The following DSEL variants were observed in gnomAD, a reference collection of about 807,000 sequenced individuals.
DSEL encodes dermatan sulfate epimerase like, also known as dermatan-sulfate epimerase-like protein.
DSEL carries 61 observed loss-of-function variants against 96.6 expected under a neutral mutation model. That is an observed-to-expected ratio of 0.63 (90% CI 0.51 to 0.78). The LOEUF (loss-of-function observed/expected upper bound fraction) is 0.78, where lower values mean the gene tolerates loss of function less well. Among genes scored for constraint, DSEL ranks in the 30% least tolerant of loss-of-function variants. The probability of loss-of-function intolerance (pLI) is 0.00; values close to 1 mark genes in which losing one functional copy is unlikely to be tolerated. For synonymous variants in DSEL, 514 were observed against 502.0 expected (o/e 1.02, Z -0.32); for missense variants, 1,320 against 1,430.8 (o/e 0.92, Z 1.25).
Position 67,508,731 on chromosome 18 carries a change from CTTTTTTTTT to C in DSEL, c.*2230_*2238del, listed in dbSNP as rs71171183. On this transcript the variant is annotated 3_prime_UTR_variant, in exon 2 of 2. Coordinates refer to ENST00000310045, the MANE Select transcript of DSEL (RefSeq NM_032160.3). ...TGCCAACAGGTACATTTCTTTTTTTCTTTTTTTTTTTTTTTTGAGGCGGAGTCTCGCTCT... is the reference window on the plus strand; with the variant it reads ...TGCCAACAGGTACATTTCTTTTTTTCTTTTTTTGAGGCGGAGTCTCGCTCT... The C allele has an allele frequency of 7.9e-6, 1 of 126,810 alleles. No individual in the cohort carries two copies. The highest frequency in any genetic ancestry group is 2.3e-4 in the East Asian group (1 of 4,384). The allele number at this position is 126,810 out of a possible 1,614,324, so 7.9% of individuals were successfully genotyped here. A position where few individuals can be genotyped will look rare whatever the true frequency, so the allele number is the denominator to read the frequency against.
intron 1 of DSEL, among the ~76,000 whole-genome samples, chr18:67,515,959 G>C (rs1354022022): frequency 4.7e-5 from 7 of 149,402 alleles, no homozygotes; most frequent in South Asian, 2.1e-4. Flanking sequence ...GGGATCAGAA[G>C]GTATCTTCCT....
chr18:67,508,410 T>C lies in DSEL; in HGVS notation c.*2560A>G, dbSNP rs943275403. On this transcript the variant is annotated 3_prime_UTR_variant, in exon 2 of 2. Coordinates refer to ENST00000310045, the MANE Select transcript of DSEL (RefSeq NM_032160.3). ...CATTCCTTACAGAACAATCTGTGAG[T>C]GGACGCTTTCTCCAGCAAACTTTCT... 3 of 152,196 alleles carry C rather than the reference T, an allele frequency of 2.0e-5. No individual in the cohort carries two copies. The highest frequency in any genetic ancestry group is 1.3e-4 in the Admixed American group (2 of 15,270). The allele number at this position is 152,196 out of a possible 1,614,324, so 9.4% of individuals were successfully genotyped here. A position where few individuals can be genotyped will look rare whatever the true frequency, so the allele number is the denominator to read the frequency against.
At position 67,508,794 on chromosome 18, in the gene DSEL, T is replaced by C. The variant is rs2089425003; in HGVS notation, c.*2176A>G. 1 of 146,314 alleles carries C rather than the reference T, an allele frequency of 6.8e-6. No individual in the cohort carries two copies. Among genetic ancestry groups the C allele is most frequent in the African/African-American group, 2.5e-5 (1 of 39,506 alleles). 9.1% of individuals were successfully genotyped at this position (146,314 alleles called of 1,614,324 possible). A position where few individuals can be genotyped will look rare whatever the true frequency, so the allele number is the denominator to read the frequency against. On this transcript the variant is annotated 3_prime_UTR_variant, in exon 2 of 2. Transcript: ENST00000310045. The stretch of plus-strand genomic sequence containing the variant: ...GCCCAGGCTGGAGTGCAGTGGCGCA[T>C]CTCCACTCACTGCAAGCTCTGCCTC...
chr18:67,512,279 C>A lies in DSEL; in HGVS notation c.2330G>T (p.Gly777Val), dbSNP rs759147510. The A allele has an allele frequency of 6.2e-6, 10 of 1,614,056 alleles. No homozygotes were observed. Among genetic ancestry groups the A allele is most frequent in the Non-Finnish European group, 8.5e-6 (10 of 1,179,984 alleles). Residue 777 changes from glycine (G) to valine (V), a missense_variant, in exon 2 of 2, where the codon GGA (glycine) becomes GTA (valine). Around this residue, in one of 3 missense-constraint regions of DSEL, gnomAD observed 986 missense variants for 1,066.4 expected, o/e 0.92. Transcript: ENST00000310045. ...PFGFKFNIAV[G>V]LILCISLVIL... ...CACCAAGCTAATGCACAAAATTAATCCAACTGCTATATTAAATTTAAATCC... is the reference window on the plus strand; with the variant it reads ...CACCAAGCTAATGCACAAAATTAATACAACTGCTATATTAAATTTAAATCC...
In DSEL at chr18:67,513,553, T is replaced by G; in HGVS notation, c.1056A>C (p.Leu352Phe). The change falls in exon 2 of 2, where the codon TTA becomes TTC. Residue 352 changes from leucine (L) to phenylalanine (F), a missense_variant. Around this residue, in one of 3 missense-constraint regions of DSEL, gnomAD observed 986 missense variants for 1,066.4 expected, o/e 0.92. Transcript: ENST00000310045. ...SQLVFLDKFI[L>F]KNGAGNWLAQ... ...CTAACCAATTTCCAGCTCCATTCTT[T>G]AAGATGAACTTATCCAAGAAAACTA... 6.2e-7 allele frequency: 1 copy of G among 1,614,208 alleles called. No individual in the cohort carries two copies. The highest frequency in any genetic ancestry group is 8.5e-7 in the Non-Finnish European group (1 of 1,180,036).
chr18:67,510,828 ATC>A lies in DSEL; in HGVS notation c.*140_*141del, dbSNP rs2089437016. On this transcript the variant is annotated 3_prime_UTR_variant, in exon 2 of 2. Transcript: ENST00000310045. ...AAATATGGTGCCATTTTTTAAAACA[ATC>A]TCTCTGTGCAAACAACACTGAACAC... 1 of 608,990 alleles carries A rather than the reference ATC, an allele frequency of 1.6e-6. No homozygotes were observed. 37.7% of individuals were successfully genotyped at this position (608,990 alleles called of 1,614,324 possible).
Position 67,511,032 on chromosome 18 carries a change from G to A in DSEL, c.3577C>T (p.Leu1193=), listed in dbSNP as rs757987585. 3.4e-5 allele frequency: 55 copies of A among 1,612,870 alleles called. No homozygotes were observed. The highest frequency in any genetic ancestry group is 4.4e-5 in the Non-Finnish European group (52 of 1,179,670). Residue 1193 remains leucine, a synonymous_variant, in exon 2 of 2, where the codon CTA becomes TTA. Coordinates refer to ENST00000310045, the MANE Select transcript of DSEL (RefSeq NM_032160.3). ...KQNLPRDEIK[L]IENICWTLMD... ...AGAGTCCAGCAGATGTTTTCAATTA[G>A]TTTAATTTCATCTCTAGGCAAGTTC...
At position 67,508,982 on chromosome 18, in the gene DSEL, C is replaced by T. The variant is rs1186999617; in HGVS notation, c.*1988G>A. 3.9e-5 allele frequency: 6 copies of T among 152,414 alleles called. No individual in the cohort carries two copies. Among genetic ancestry groups the T allele is most frequent in the Admixed American group, 2.0e-4 (3 of 15,290 alleles). 9.4% of individuals were successfully genotyped at this position (152,414 alleles called of 1,614,324 possible). ...ATCTCCTGACCTCGTGATCCACCCG[C>T]CTCGGCCTCCCGAAGTGCTGGGATT... On this transcript the variant is annotated 3_prime_UTR_variant, in exon 2 of 2. Transcript: ENST00000310045.
At position 67,512,338 on chromosome 18, in the gene DSEL, C is replaced by CTT; in HGVS notation, c.2269_2270dup (p.Pro758SerfsTer3). The CTT allele has an allele frequency of 6.2e-7, 1 of 1,614,198 alleles. No homozygotes were observed. Among genetic ancestry groups the CTT allele is most frequent in the Non-Finnish European group, 8.5e-7 (1 of 1,180,038 alleles). ...AAATAATCCTATCATGTCTTACAGG[C>CTT]TTTACTATTGCTTGAGTGCCCAAAC... On this transcript the variant is annotated frameshift_variant, in exon 2 of 2. Transcript: ENST00000310045. LOFTEE classifies it high-confidence loss of function.
rs2089445948 is a variant in DSEL, at chr18:67,512,016, C to T, written c.2593G>A (p.Ala865Thr). ...VVITSLPGSG[A>T]EILKQLFFNS... ...AAAAAAAGTTGTTTGAGAATTTCAG[C>T]TCCTGAACCAGGAAGTGAGGTAATG... is the stretch of plus-strand genomic sequence containing the variant. Residue 865 changes from alanine to threonine, a missense_variant, in exon 2 of 2, where the codon GCT (alanine) becomes ACT (threonine). By Grantham distance (58) the Ala-to-Thr change is moderately conservative. Around this residue, in one of 3 missense-constraint regions of DSEL, gnomAD observed 986 missense variants for 1,066.4 expected, o/e 0.92. Coordinates refer to ENST00000310045, the MANE Select transcript of DSEL (RefSeq NM_032160.3). 6.2e-7 allele frequency: 1 copy of T among 1,614,072 alleles called. No homozygotes were observed. Among genetic ancestry groups the T allele is most frequent in the Non-Finnish European group, 8.5e-7 (1 of 1,180,010 alleles).
At position 67,512,863 on chromosome 18, in the gene DSEL, T is replaced by C; in HGVS notation, c.1746A>G (p.Leu582=). ...ALLLLNSQTL[L]VVDHIERQED... The stretch of plus-strand genomic sequence containing the variant: ...CTTGCCTCTCAATATGATCAACAAC[T>C]AGCAGAGTTTGGGAATTTAAGAGAA... Residue 582 remains leucine, a synonymous_variant, in exon 2 of 2, where the codon CTA becomes CTG. Transcript: ENST00000310045. 2 of 1,614,116 alleles carry C rather than the reference T, an allele frequency of 1.2e-6. No individual in the cohort carries two copies. The highest frequency in any genetic ancestry group is 1.7e-6 in the Non-Finnish European group (2 of 1,180,024).
Position 67,513,286 on chromosome 18 carries a change from C to G in DSEL, c.1323G>C (p.Gly441=). The change falls in exon 2 of 2, where the codon GGG becomes GGC. Residue 441 remains glycine (G), a synonymous_variant. Transcript: ENST00000310045. ...GAACTATGTCATACACAGCTCGTCC[C>G]CCCAGCTTCCCAGATTTAAAAGACA... ...TFVSFKSGKL[G]GRAVYDIVHF... 1 of 1,614,202 alleles carries G rather than the reference C, an allele frequency of 6.2e-7. No homozygotes were observed. Among genetic ancestry groups the G allele is most frequent in the Non-Finnish European group, 8.5e-7 (1 of 1,180,044 alleles).
In DSEL at chr18:67,514,616, G is replaced by C. The variant is rs1458070994; in HGVS notation, c.-8C>G. On this transcript the variant is annotated 5_prime_UTR_variant, in exon 2 of 2. Transcript: ENST00000310045. Reference sequence around the variant, plus strand: ...TGTAAACATTAACGCCATGATCCATGGGGGAGCTCCTCCCTTAGGCATACA... The same window carrying C: ...TGTAAACATTAACGCCATGATCCATCGGGGAGCTCCTCCCTTAGGCATACA... The C allele has an allele frequency of 6.2e-7, 1 of 1,613,284 alleles. No homozygotes were observed. Among genetic ancestry groups the C allele is most frequent in the Non-Finnish European group, 8.5e-7 (1 of 1,179,680 alleles).
Position 67,511,580 on chromosome 18 carries a change from G to A in DSEL, c.3029C>T (p.Thr1010Met), listed in dbSNP as rs763315186. 2.5e-6 allele frequency: 4 copies of A among 1,613,358 alleles called. No homozygotes were observed. The highest frequency in any genetic ancestry group is 1.1e-5 in the South Asian group (1 of 90,888). The change falls in exon 2 of 2, where the codon ACG becomes ATG. Residue 1010 changes from threonine to methionine, a missense_variant. Coordinates refer to ENST00000310045, the MANE Select transcript of DSEL (RefSeq NM_032160.3). ...PVLSLSSGSW[T>M]LKLHFFQEVL... ...TTCCTGAAAAAAATGAAGCTTTAAC[G>A]TCCAGCTTCCACTGCTTAAACTGAG...
In DSEL at chr18:67,506,726, A is replaced by C. The variant is rs1033649820; in HGVS notation, c.*4244T>G. On this transcript the variant is annotated 3_prime_UTR_variant, in exon 2 of 2. Coordinates refer to ENST00000310045, the MANE Select transcript of DSEL (RefSeq NM_032160.3). ...AAGGAAAAACGACGACGAACAAAAA[A>C]TTAATTGCTTGGAAGACTTAGTTGA... 1 of 152,178 alleles carries C rather than the reference A, an allele frequency of 6.6e-6. No individual in the cohort carries two copies. The highest frequency in any genetic ancestry group is 1.5e-5 in the Non-Finnish European group (1 of 68,028). The allele number at this position is 152,178 out of a possible 1,614,324, so 9.4% of individuals were successfully genotyped here.
chr18:67,513,878 C>T lies in DSEL; in HGVS notation c.731G>A (p.Gly244Glu). 1.2e-6 allele frequency: 2 copies of T among 1,614,136 alleles called. No homozygotes were observed. Among genetic ancestry groups the T allele is most frequent in the Non-Finnish European group, 1.7e-6 (2 of 1,180,036 alleles). ...CTGTTTCCATATATTTGCTTTAGATCCTTTATCTACTCCAGTCACCAAGGC... is the reference window on the plus strand; with the variant it reads ...CTGTTTCCATATATTTGCTTTAGATTCTTTATCTACTCCAGTCACCAAGGC... ...TGALVTGVDK[G>E]SKANIWKQAV... Residue 244 changes from glycine to glutamate, a missense_variant, in exon 2 of 2, where the codon GGA (glycine) becomes GAA (glutamate). Around this residue, in one of 3 missense-constraint regions of DSEL, gnomAD observed 323 missense variants for 333.1 expected, o/e 0.97. Transcript: ENST00000310045.
At position 67,511,409 on chromosome 18, in the gene DSEL, C is replaced by T. The variant is rs373010660; in HGVS notation, c.3200G>A (p.Gly1067Asp). 6.9e-6 allele frequency: 11 copies of T among 1,603,494 alleles called. No homozygotes were observed. In the African/African-American group the frequency reaches 1.5e-4, roughly 21 times the overall value. ...HLAKLFKIEG[G>D]KGKCNLNSGY... ...CGAATTTAAGTTACATTTGCCTTTA[C>T]CTCCCTCTATTTTAAACAATTTTGC... Residue 1067 changes from glycine (G) to aspartate (D), a missense_variant, in exon 2 of 2, where the codon GGT becomes GAT. Physicochemically the swap from Gly to Asp is moderately conservative, Grantham distance 94. Transcript: ENST00000310045.
rs2144047282 is a variant in DSEL, at chr18:67,510,720, T to C, written c.*250A>G. ...CATGATATAACTTCATCTACCACTC[T>C]GTAGCAGAAACTTTTTAGCAGACAA... On this transcript the variant is annotated 3_prime_UTR_variant, in exon 2 of 2. Transcript: ENST00000310045. The C allele has an allele frequency of 2.2e-6, 1 of 464,434 alleles. No homozygotes were observed. Among genetic ancestry groups the C allele is most frequent in the Non-Finnish European group, 3.8e-6 (1 of 265,700 alleles). 28.8% of individuals were successfully genotyped at this position (464,434 alleles called of 1,614,324 possible).
At position 67,514,269 on chromosome 18, in the gene DSEL, C is replaced by T. The variant is rs138853954; in HGVS notation, c.340G>A (p.Ala114Thr). Residue 114 changes from alanine to threonine, a missense_variant, in exon 2 of 2, where the codon GCT becomes ACT. By Grantham distance (58) the Ala-to-Thr change is moderately conservative. Transcript: ENST00000310045. ...YLPPPKHADFAAKWNEIYGNN... is the reference protein window; with the variant it reads ...YLPPPKHADFTAKWNEIYGNN... ...CCATAAATTTCATTCCACTTGGCAGCAAAATCAGCATGCTTTGGTGGAGGT... is the reference window on the plus strand; with the variant it reads ...CCATAAATTTCATTCCACTTGGCAGTAAAATCAGCATGCTTTGGTGGAGGT... 1,001 of 1,614,160 alleles carry T rather than the reference C, an allele frequency of 6.2e-4. No individual in the cohort carries two copies. Among genetic ancestry groups the T allele is most frequent in the Non-Finnish European group, 7.7e-4 (909 of 1,180,018 alleles).
Sources: allele counts gnomAD v4.1 joint callset (sites outside exome capture counted in the v4.1 genomes callset), GRCh38; gene constraint gnomAD v4.1.1; regional missense constraint gnomAD v4.1.1; transcripts MANE v1.5; gene names NCBI Gene and HGNC (gene_info 2026-07-23, HGNC 2026-07-21).